Variants in SEZ6L2 observed in about 807,000 individuals in gnomAD.
SEZ6L2 encodes the protein seizure related 6 homolog like 2.
Under a neutral mutation model 97.0 loss-of-function variants are expected in SEZ6L2, and 44 were observed. That is an observed-to-expected ratio of 0.45 (90% CI 0.36 to 0.58). The LOEUF (loss-of-function observed/expected upper bound fraction) is 0.58, where lower values mean the gene tolerates loss of function less well. Among genes scored for constraint, SEZ6L2 ranks in the 20% least tolerant of loss-of-function variants. The pLI, the probability that SEZ6L2 is intolerant of heterozygous loss-of-function variation, is 0.00. For synonymous variants in SEZ6L2, 543 were observed against 546.1 expected, an observed-to-expected ratio of 0.99 and a Z score of 0.08; for missense variants, 1,086 against 1,233.3, an observed-to-expected ratio of 0.88 and a Z score of 1.79.
intron 10 of SEZ6L2, 130 bp from the exon 11 acceptor site, chr16:29,877,597 C>T: frequency 1.1e-6 from 1 of 871,924 alleles, no homozygotes; most frequent in Non-Finnish European, 1.7e-6. Flanking sequence ...TCTCCTATCC[C>T]AGGTCTGGCG....
At position 29,895,493 on chromosome 16, in the gene SEZ6L2, A is replaced by G. The variant is rs377277138; in HGVS notation, c.652-33T>C. ...AGCCAGACACAGACCCGCCAGGGCA[A>G]GTCAGCCAGGTGTTTGACTTCCAAA... On this transcript the variant is annotated intron_variant, in intron 4 of 17. Transcript: ENST00000617533. 1.9e-6 allele frequency: 3 copies of G among 1,607,964 alleles called. No individual in the cohort carries two copies. In the African/African-American group the frequency reaches 4.0e-5, roughly 21 times the overall value.
chr16:29,894,995 C>T (rs1015410412), intron 5 of SEZ6L2, among the ~76,000 whole-genome samples: 3 of 151,946 alleles, frequency 2.0e-5, no homozygotes, highest in South Asian at 2.1e-4. Flanking sequence ...CTGGCTAACG[C>T]GGTGAAATCC....
intron 8 of SEZ6L2, among the ~76,000 whole-genome samples, chr16:29,883,351 G>A (rs1490968145): frequency 6.6e-6 from 1 of 151,848 alleles, no homozygotes; most frequent in East Asian, 1.9e-4. Flanking sequence ...CTGTTGCCCA[G>A]GCTGGAGCAC....
intron 8 of SEZ6L2, among the ~76,000 whole-genome samples, chr16:29,881,428 T>C (rs1190670021): frequency 6.6e-6 from 1 of 152,124 alleles, no homozygotes; most frequent in East Asian, 1.9e-4. Flanking sequence ...GAAATAACAG[T>C]TGGATTCTGA....
chr16:29,874,102 T>C (rs1400840858), intron 12 of SEZ6L2, among the ~76,000 whole-genome samples: 1 of 152,136 alleles, frequency 6.6e-6, no homozygotes, highest in Admixed American at 6.6e-5. Context: ...AGAGCATGAA[T>C]TGGAAAAACT....
In SEZ6L2 at chr16:29,878,485, A is replaced by G. The variant is rs1009101512; in HGVS notation, c.1574-60T>C. ...GTGGGCATGCTGTCTTCATTTCTCC[A>G]CAGTCCTCACCACTCGTGATGCGTG... On this transcript the variant is annotated intron_variant, in intron 9 of 17. Transcript: ENST00000617533. The G allele has an allele frequency of 4.0e-6, 6 of 1,505,706 alleles. No homozygotes were observed. The African/African-American group carries it at 8.2e-5, about 21-fold the overall frequency. The allele number at this position is 1,505,706 out of a possible 1,614,324, so 93.3% of individuals were successfully genotyped here.
In SEZ6L2 at chr16:29,873,138, T is replaced by A; in HGVS notation, c.2488+102A>T. The A allele has an allele frequency of 7.6e-7, 1 of 1,317,460 alleles. No individual in the cohort carries two copies. Among genetic ancestry groups the A allele is most frequent in the South Asian group, 1.4e-5 (1 of 73,658 alleles). 81.6% of individuals were successfully genotyped at this position (1,317,460 alleles called of 1,614,324 possible). On this transcript the variant is annotated intron_variant, in intron 14 of 17. Transcript: ENST00000617533. The surrounding 1 kb of genome is among the most constrained non-coding windows in gnomAD (Gnocchi z 4.3). ...AGGCCACAGGAGGAGAACCGGGAGCTCTGTGGGGTCGCCCATTGGTCTCAA... is the reference window on the plus strand; with the variant it reads ...AGGCCACAGGAGGAGAACCGGGAGCACTGTGGGGTCGCCCATTGGTCTCAA...
At position 29,888,456 on chromosome 16, in the gene SEZ6L2, T is replaced by G. The variant is rs976618627; in HGVS notation, c.1039+84A>C. The G allele has an allele frequency of 9.0e-6, 13 of 1,437,124 alleles. No homozygotes were observed. In the Admixed American group the frequency reaches 2.2e-4, roughly 24 times the overall value. The allele number at this position is 1,437,124 out of a possible 1,614,324, so 89.0% of individuals were successfully genotyped here. The stretch of plus-strand genomic sequence containing the variant: ...CTTCAGAATGGGTTTTCCCCAAAGG[T>G]GGACACCTGGACACCCCCGAGATAG... On this transcript the variant is annotated intron_variant, in intron 6 of 17. Coordinates refer to ENST00000617533, the MANE Select transcript of SEZ6L2 (RefSeq NM_001243332.2).
chr16:29,886,160 G>A (rs756739280), intron 7 of SEZ6L2: 4 of 155,672 alleles, frequency 2.6e-5, no homozygotes, highest in Non-Finnish European at 5.7e-5. Context: ...CTGAAGTCAA[G>A]GAGTTCAAGA....
intron 9 of SEZ6L2, 39 bp downstream of exon 9, chr16:29,879,825 C>G: frequency 1.3e-6 from 2 of 1,539,956 alleles, no homozygotes; most frequent in Non-Finnish European, 1.8e-6. Flanking sequence ...CAGGGGGCAA[C>G]GTGGACTGAA....
In SEZ6L2 at chr16:29,896,904, G is replaced by C; in HGVS notation, c.429C>G (p.Pro143=). 1.9e-6 allele frequency: 3 copies of C among 1,613,746 alleles called. No individual in the cohort carries two copies. Among genetic ancestry groups the C allele is most frequent in the East Asian group, 2.2e-5 (1 of 44,862 alleles). Residue 143 remains proline (P), a synonymous_variant, in exon 3 of 18, where the codon CCC becomes CCG. Transcript: ENST00000617533. Reference sequence around the variant, plus strand: ...CCTCCTCTCCTCCCTCAGGCCCAAGGGGAGGCCCTGGGGAGGCAGGGCTGG... The same window carrying C: ...CCTCCTCTCCTCCCTCAGGCCCAAGCGGAGGCCCTGGGGAGGCAGGGCTGG... ...PPPSPASPGP[P]LGPEGGEEET...
chr16:29,885,996 A>G (rs1880004970), intron 7 of SEZ6L2: 1 of 352,904 alleles, frequency 2.8e-6, no homozygotes, highest in Non-Finnish European at 5.1e-6. Context: ...TAACCTGTCC[A>G]AGGTCACAGA....
chr16:29,897,735 A>G lies in SEZ6L2; in HGVS notation c.211+118T>C. On this transcript the variant is annotated intron_variant, in intron 2 of 17. Coordinates refer to ENST00000617533, the MANE Select transcript of SEZ6L2 (RefSeq NM_001243332.2). ...TGTTCCCTGAATCTCACAGGAATGC[A>G]GGCTCTTTCCTCTGCAGTCTCTCTC... The G allele has an allele frequency of 4.9e-6, 6 of 1,225,012 alleles. No homozygotes were observed. The South Asian group carries it at 1.0e-4, about 21-fold the overall frequency. The allele number at this position is 1,225,012 out of a possible 1,614,324, so 75.9% of individuals were successfully genotyped here. A position where few individuals can be genotyped will look rare whatever the true frequency, so the allele number is the denominator to read the frequency against.
At chr16:29,887,496 T>C (rs2068170334) in intron 7 of SEZ6L2, among the ~76,000 whole-genome samples, 153 bp downstream of exon 7, 1 of 145,922 alleles carries the variant, frequency 6.9e-6, no homozygotes, top group Non-Finnish European at 1.5e-5. Flanking sequence ...GTATTTTTAG[T>C]AGAGATGGGG....
Position 29,872,746 on chromosome 16 carries a change from G to T in SEZ6L2, c.2489-3C>A. ...GTCCAGGAGCTCCTCATAGGCAACT[G>T]CAGGGAGAGGAGGGGGAGGGGATGG... On this transcript the variant is annotated splice_polypyrimidine_tract_variant and splice_region_variant and intron_variant, in intron 14 of 17. Coordinates refer to ENST00000617533, the MANE Select transcript of SEZ6L2 (RefSeq NM_001243332.2). 1.9e-6 allele frequency: 3 copies of T among 1,611,650 alleles called. No individual in the cohort carries two copies. The highest frequency in any genetic ancestry group is 2.5e-6 in the Non-Finnish European group (3 of 1,179,226).
chr16:29,871,875 A>G, intron 17 of SEZ6L2, 147 bp from the exon 18 acceptor site: 1 of 757,740 alleles, frequency 1.3e-6, no homozygotes, highest in Non-Finnish European at 2.3e-6. Flanking sequence ...GGTTCATCCT[A>G]CGGTGTCGTA....
intron 3 of SEZ6L2, among the ~76,000 whole-genome samples, chr16:29,896,567 C>CA (rs1268759990): frequency 6.6e-6 from 1 of 152,154 alleles, no homozygotes; most frequent in African/African-American, 2.4e-5. Context: ...CTAGAGCCAC[C>CA]ATGTCCATCA....
Position 29,877,472 on chromosome 16 carries a change from A to C in SEZ6L2, c.1713-5T>G, listed in dbSNP as rs2067933159. 6.3e-7 allele frequency: 1 copy of C among 1,584,638 alleles called. No homozygotes were observed. Among genetic ancestry groups the C allele is most frequent in the African/African-American group, 1.3e-5 (1 of 74,494 alleles). The stretch of plus-strand genomic sequence containing the variant: ...TCCCCTTCCCGCACATTCAATCTGC[A>C]GGGGGTGAGACCAGGCAATGGGGCG... On this transcript the variant is annotated splice_polypyrimidine_tract_variant and splice_region_variant and intron_variant, in intron 10 of 17. Transcript: ENST00000617533.
At chr16:29,896,726 G>A in intron 3 of SEZ6L2, 96 bp downstream of exon 3, 1 of 1,029,894 alleles carries the variant, frequency 9.7e-7, no homozygotes, top group African/African-American at 1.6e-5. Context: ...TCTGTACCCA[G>A]GACTCCTTCC....
Sources: allele counts gnomAD v4.1 joint callset (sites outside exome capture counted in the v4.1 genomes callset), GRCh38; gene constraint gnomAD v4.1.1; non-coding constraint Gnocchi (gnomAD v3.1); transcripts MANE v1.5; gene names NCBI Gene and HGNC (gene_info 2026-07-23, HGNC 2026-07-21).